LTN1: variants seen among roughly 807,000 people sequenced by gnomAD.
LTN1 encodes the protein listerin E3 ubiquitin protein ligase 1, also known as E3 ubiquitin-protein ligase listerin.
In LTN1, 88 loss-of-function variants were observed where a neutral mutation model predicts 201.2. The observed-to-expected ratio is 0.44, with a 90% CI of 0.37 to 0.52. LTN1 has a LOEUF of 0.52. Ranked by LOEUF, LTN1 falls within the 20% of genes least tolerant of loss-of-function variation. The probability of loss-of-function intolerance (pLI) is 0.00; values close to 1 mark genes in which losing one functional copy is unlikely to be tolerated. For missense variants in LTN1, 1,752 were observed against 2,038.7 expected (o/e 0.86, Z 2.71); for synonymous variants, 645 against 713.5 (o/e 0.90, Z 1.53).
At position 28,960,623 on chromosome 21, in the gene LTN1, T is replaced by G; in HGVS notation, c.2247A>C (p.Ala749=). The change falls in exon 12 of 30, where the codon GCA becomes GCC. Residue 749 remains alanine, a synonymous_variant. Transcript: ENST00000361371. ...CCAAGTCCTCATTACAAAGACAATC[T>G]GCCAAGTTGACCAATTTCTCACCAA... ...DILGEKLVNL[A]DCLCNEDLES... 6.2e-7 allele frequency: 1 copy of G among 1,614,006 alleles called. No individual in the cohort carries two copies. The highest frequency in any genetic ancestry group is 8.5e-7 in the Non-Finnish European group (1 of 1,179,894).
chr21:28,936,265 G>A (rs537539201), intron 26 of LTN1, among the ~76,000 whole-genome samples: 1 of 152,228 alleles, frequency 6.6e-6, no homozygotes, highest in South Asian at 2.1e-4. Flanking sequence ...ATGTTATCAC[G>A]TAAGAAATAT....
chr21:28,956,405 AT>A lies in LTN1; in HGVS notation c.3079+356del, dbSNP rs201145965. Among the ~76,000 whole-genome samples, 742 of 151,690 alleles carry A rather than the reference AT, an allele frequency of 4.9e-3. 3 individuals are homozygous for A. The highest frequency in any genetic ancestry group is 0.016 in the African/African-American group (642 of 41,364). On this transcript the variant is annotated intron_variant, in intron 16 of 29. Coordinates refer to ENST00000361371, the MANE Select transcript of LTN1 (RefSeq NM_015565.3). The stretch of plus-strand genomic sequence containing the variant: ...AAATATGTAAAATTATCAGGTATCA[AT>A]TTTTTTTTAATCAACAGAAAATTCT...
chr21:28,987,076 A>C (rs1403548537), intron 1 of LTN1, 142 bp from the exon 2 acceptor site: 1 of 602,908 alleles, frequency 1.7e-6, no homozygotes, highest in Non-Finnish European at 2.9e-6. Flanking sequence ...CATCTATTGC[A>C]AAGTTCCCCA....
chr21:28,931,296 A>G lies in LTN1; in HGVS notation c.5097T>C (p.Ala1699=). Residue 1699 remains alanine, a synonymous_variant, in exon 29 of 30, where the codon GCT becomes GCC. Transcript: ENST00000361371. The part of the protein sequence containing the change: ...HQNGSIMEGL[A]LWKNNVDKRF... ...GTTTGTCTACGTTATTTTTCCATAA[A>G]GCTAAGCCTTCCATAATACTTCCAT... 2 of 1,611,320 alleles carry G rather than the reference A, an allele frequency of 1.2e-6. No homozygotes were observed. The highest frequency in any genetic ancestry group is 1.7e-6 in the Non-Finnish European group (2 of 1,178,610).
intron 6 of LTN1, among the ~76,000 whole-genome samples, chr21:28,977,192 G>A (rs1001291925): frequency 2.6e-5 from 4 of 152,004 alleles, no homozygotes; most frequent in Admixed American, 6.6e-5. Context: ...TGGCCAACAC[G>A]GCAAAACCCT....
At chr21:28,959,419 G>C in intron 13 of LTN1, 39 bp downstream of exon 13, 1 of 1,593,192 alleles carries the variant, frequency 6.3e-7, no homozygotes. Flanking sequence ...GGTCAGAGCC[G>C]GAGATTCCCA....
intron 12 of LTN1, chr21:28,959,962 C>G (rs2084461750): frequency 7.3e-6 from 2 of 272,972 alleles, no homozygotes; most frequent in Non-Finnish European, 1.4e-5. Flanking sequence ...CATGAGTCAA[C>G]TTTATGAGCT....
At chr21:28,934,434 A>G (rs11088102) in intron 27 of LTN1, among the ~76,000 whole-genome samples, 28,023 of 152,062 alleles carry the variant, frequency 0.18, 2,676 homozygotes, top group South Asian at 0.24. Flanking sequence ...TGGATTTCCC[A>G]CGGGTGCTAG....
intron 6 of LTN1, among the ~76,000 whole-genome samples, chr21:28,971,910 C>A (rs759229834): frequency 6.6e-6 from 1 of 152,038 alleles, no homozygotes; most frequent in African/African-American, 2.4e-5. Context: ...CAGAGCAGAT[C>A]GGAAAAAGAT....
chr21:28,966,014 T>G, intron 10 of LTN1, 108 bp from the exon 11 acceptor site: 2 of 701,470 alleles, frequency 2.9e-6, no homozygotes, highest in South Asian at 3.7e-5. Flanking sequence ...CTCAAGCCAA[T>G]GTCTCACCTC....
rs1601180051 is a variant in LTN1 at position 28,952,205 on chromosome 21, C to T, written c.3299G>A (p.Ser1100Asn). ...TGGTTTTACTTCATCAGATGAAATG[C>T]TTCGGGAAAGGATCAACTTAGCAAT... ...LIIAKLILSR[S>N]ISSDEVKPHY... The change falls in exon 18 of 30, where the codon AGC becomes AAC. Residue 1100 changes from serine to asparagine, a missense_variant. Physicochemically the swap from Ser to Asn is conservative, Grantham distance 46. Coordinates refer to ENST00000361371, the MANE Select transcript of LTN1 (RefSeq NM_015565.3). The T allele has an allele frequency of 1.9e-6, 3 of 1,610,794 alleles. No homozygotes were observed. The highest frequency in any genetic ancestry group is 1.7e-5 in the Admixed American group (1 of 59,744).
chr21:28,960,410 G>A, intron 12 of LTN1, 107 bp downstream of exon 12: 2 of 798,102 alleles, frequency 2.5e-6, no homozygotes, highest in African/African-American at 1.8e-5. Flanking sequence ...GAATGAGTAA[G>A]TCCTGTTATT....
chr21:28,952,099 G>T, intron 18 of LTN1, 61 bp downstream of exon 18: 1 of 862,462 alleles, frequency 1.2e-6, no homozygotes, highest in Non-Finnish European at 1.8e-6. Flanking sequence ...CATTAATTAG[G>T]GGTTGCCAAA....
At chr21:28,956,741 T>G in intron 16 of LTN1, 21 bp downstream of exon 16, 1 of 1,340,946 alleles carries the variant, frequency 7.5e-7, no homozygotes, top group Non-Finnish European at 1.0e-6. Flanking sequence ...ATGTTATATG[T>G]AAATACTCAT....
chr21:28,975,377 A>C (rs1191583022), intron 6 of LTN1, among the ~76,000 whole-genome samples: 1 of 152,248 alleles, frequency 6.6e-6, no homozygotes, highest in Non-Finnish European at 1.5e-5. Flanking sequence ...ATGGCCCATA[A>C]ACATATTAAA....
At chr21:28,933,972 G>A (rs1052101520) in intron 27 of LTN1, among the ~76,000 whole-genome samples, 5 of 152,018 alleles carry the variant, frequency 3.3e-5, no homozygotes, top group Admixed American at 6.6e-5. Context: ...CACCACACTC[G>A]GCCTATTTTC....
At position 28,978,038 on chromosome 21, in the gene LTN1, AT is replaced by A. The variant is rs368028457; in HGVS notation, c.810+3080del. On this transcript the variant is annotated intron_variant, in intron 6 of 29. Coordinates refer to ENST00000361371, the MANE Select transcript of LTN1 (RefSeq NM_015565.3). ...TTTAGGGCAAATTTCTGAATGTATG[AT>A]TTTTTTTTTTAATAGGTTCCTGCTC... Among the ~76,000 whole-genome samples, 362 of 148,184 alleles carry A rather than the reference AT, an allele frequency of 2.4e-3. 2 individuals are homozygous for A. Among genetic ancestry groups the A allele is most frequent in the African/African-American group, 8.2e-3 (334 of 40,546 alleles).
At chr21:28,991,058 AC>A (rs2084741121) in intron 1 of LTN1, among the ~76,000 whole-genome samples, 1 of 151,520 alleles carries the variant, frequency 6.6e-6, no homozygotes, top group African/African-American at 2.4e-5. Context: ...GATCACTTGA[AC>A]CCGAGAGGCG....
chr21:28,938,073 G>A (rs919092342), intron 25 of LTN1, among the ~76,000 whole-genome samples: 1 of 152,036 alleles, frequency 6.6e-6, no homozygotes, highest in African/African-American at 2.4e-5. Context: ...GAAATTATAG[G>A]TTAAAGAAAC....
Sources: gnomAD v4.1 joint callset for allele counts (sites outside exome capture counted in the v4.1 genomes callset) on GRCh38, gnomAD v4.1.1 for gene constraint, MANE v1.5 for transcripts, NCBI Gene and HGNC (gene_info 2026-07-23, HGNC 2026-07-21) for gene names.